ASIC2: variants seen among roughly 807,000 people sequenced by gnomAD.
ASIC2 encodes the protein acid sensing ion channel subunit 2.
A neutral mutation model predicts 57.3 loss-of-function variants in ASIC2; 25 were observed. The ratio of observed to expected loss-of-function variants is 0.44; its 90% CI spans 0.32 to 0.61. ASIC2 has a LOEUF of 0.61. Ranked by LOEUF, ASIC2 falls within the 20% of genes least tolerant of loss-of-function variation. ASIC2 has a pLI of 0.06. For missense variants in ASIC2, 641 were observed against 738.1 expected (o/e 0.87, Z 1.52); for synonymous variants, 319 against 307.5 (o/e 1.04, Z -0.39).
intron 1 of ASIC2, among the ~76,000 whole-genome samples, chr17:33,257,275 A>G (rs1249478500): frequency 6.6e-6 from 1 of 152,178 alleles, no homozygotes; most frequent in African/African-American, 2.4e-5. Flanking sequence ...TACAAAGCCC[A>G]TTAGAAATTG....
intron 1 of ASIC2, among the ~76,000 whole-genome samples, chr17:33,816,980 C>T (rs529639444): frequency 1.7e-4 from 26 of 152,380 alleles, no homozygotes; most frequent in Admixed American, 5.2e-4. Context: ...CCTGCCCTCA[C>T]GGCTGACTCT....
chr17:33,886,592 G>A (rs1914835230), intron 1 of ASIC2, among the ~76,000 whole-genome samples: 1 of 152,152 alleles, frequency 6.6e-6, no homozygotes, highest in African/African-American at 2.4e-5. Context: ...GCTTAAGGAA[G>A]TTAAACAAAT....
intron 1 of ASIC2, among the ~76,000 whole-genome samples, chr17:33,404,095 C>T (rs1910380787): frequency 6.6e-6 from 1 of 152,162 alleles, no homozygotes; most frequent in African/African-American, 2.4e-5. Flanking sequence ...ACCTCAGCAG[C>T]TTGAGTTGCC....
intron 1 of ASIC2, among the ~76,000 whole-genome samples, chr17:33,903,086 T>G (rs1915265728): frequency 6.6e-6 from 1 of 152,220 alleles, no homozygotes; most frequent in South Asian, 2.1e-4. Flanking sequence ...TATTTTAGTT[T>G]CAACCTTTCT....
chr17:33,028,485 T>C, intron 3 of ASIC2, 93 bp from the exon 4 acceptor site: 1 of 1,460,816 alleles, frequency 6.8e-7, no homozygotes, highest in Non-Finnish European at 9.4e-7. Context: ...TTATTGAGCA[T>C]TTAAATACCA....
intron 1 of ASIC2, among the ~76,000 whole-genome samples, chr17:33,462,879 G>C (rs1393183420): frequency 6.6e-6 from 1 of 152,146 alleles, no homozygotes; most frequent in Admixed American, 6.5e-5. Flanking sequence ...TAGATGTTTG[G>C]AGACAGAGTC....
chr17:33,089,731 G>A (rs1418833085), intron 2 of ASIC2, among the ~76,000 whole-genome samples: 1 of 152,246 alleles, frequency 6.6e-6, no homozygotes, highest in Non-Finnish European at 1.5e-5. Flanking sequence ...TGATGCAGCA[G>A]TAGAAATAAA....
At chr17:34,069,325 C>CTCTTTTTCTTTCATTTTTT (rs1909302259) in intron 1 of ASIC2, 3 of 144,264 alleles carry the variant, frequency 2.1e-5, no homozygotes, top group Non-Finnish European at 4.5e-5. Flanking sequence ...TTCCTTTCCT[C>CTCTTTTTCTTTCATTTTTT]TCTTTCTTTT....
chr17:33,630,700 T>C lies in ASIC2; in HGVS notation c.556-518633A>G, dbSNP rs182911369. Among the ~76,000 whole-genome samples, 668 of 152,280 alleles carry C rather than the reference T, an allele frequency of 4.4e-3. 3 individuals carry two copies. The highest frequency in any genetic ancestry group is 0.015 in the African/African-American group (644 of 41,558). On this transcript the variant is annotated intron_variant, in intron 1 of 9. Transcript: ENST00000359872. ...CTCCTCTGTAATATGGAAAAGATAA[T>C]AGTACTTCCCTTACTGGGTTATTGA... is the stretch of plus-strand genomic sequence containing the variant.
At chr17:33,583,473 C>A (rs1326742859) in intron 1 of ASIC2, among the ~76,000 whole-genome samples, 1 of 152,172 alleles carries the variant, frequency 6.6e-6, no homozygotes. Flanking sequence ...ACTGTGCTAT[C>A]TATGAAACAC....
Position 33,691,614 on chromosome 17 carries a change from G to C in ASIC2, c.555+464364C>G, listed in dbSNP as rs959462577. On this transcript the variant is annotated intron_variant, in intron 1 of 9. Transcript: ENST00000359872. ...GAGCTACTTATACATTAAAGTGATT[G>C]TGCCTTTGACCATAATATAAATTGA... 4.6e-5 allele frequency among the ~76,000 whole-genome samples: 7 copies of C among 152,082 alleles called. No homozygotes were observed. In the East Asian group the frequency reaches 1.4e-3, roughly 29 times the overall value.
chr17:33,774,900 C>G (rs1911218073), intron 1 of ASIC2, among the ~76,000 whole-genome samples: 1 of 152,186 alleles, frequency 6.6e-6, no homozygotes, highest in Non-Finnish European at 1.5e-5. Context: ...ATGAATTTTT[C>G]AATGACTGTG....
chr17:33,223,789 C>T (rs962646708), intron 1 of ASIC2, among the ~76,000 whole-genome samples: 13 of 152,170 alleles, frequency 8.5e-5, no homozygotes, highest in African/African-American at 2.9e-4. Flanking sequence ...GCGAGTGAAG[C>T]GCAGCACCCC....
At chr17:33,968,742 T>C (rs1191712726) in intron 1 of ASIC2, among the ~76,000 whole-genome samples, 1 of 152,172 alleles carries the variant, frequency 6.6e-6, no homozygotes, top group African/African-American at 2.4e-5. Context: ...ACTCACCATA[T>C]GGCAGGACAG....
At chr17:33,049,080 G>A (rs766355382) in intron 3 of ASIC2, among the ~76,000 whole-genome samples, 11 of 152,300 alleles carry the variant, frequency 7.2e-5, no homozygotes, top group East Asian at 3.9e-4. Flanking sequence ...TGAAAAGAGC[G>A]TGGACTTTGG....
At chr17:34,026,213 C>A (rs150253903) in intron 1 of ASIC2, among the ~76,000 whole-genome samples, 67 of 152,314 alleles carry the variant, frequency 4.4e-4, no homozygotes, top group African/African-American at 1.6e-3. Flanking sequence ...GCCACCTTCA[C>A]CCCTGGAATC....
At chr17:33,355,069 G>A (rs948224196) in intron 1 of ASIC2, among the ~76,000 whole-genome samples, 2 of 152,112 alleles carry the variant, frequency 1.3e-5, no homozygotes, top group African/African-American at 2.4e-5. Flanking sequence ...GTGTATATTC[G>A]GAGTGCTAAT....
At chr17:33,402,883 G>C (rs1910332671) in intron 1 of ASIC2, among the ~76,000 whole-genome samples, 1 of 152,178 alleles carries the variant, frequency 6.6e-6, no homozygotes, top group Non-Finnish European at 1.5e-5. Flanking sequence ...CTGATCATTA[G>C]AGAAATGCAA....
intron 1 of ASIC2, among the ~76,000 whole-genome samples, chr17:33,256,734 A>G (rs1185559008): frequency 6.6e-6 from 1 of 152,202 alleles, no homozygotes; most frequent in East Asian, 1.9e-4. Flanking sequence ...AGGGAGGCTG[A>G]GGCAGGAGGA....
Sources: allele counts gnomAD v4.1 joint callset (sites outside exome capture counted in the v4.1 genomes callset), GRCh38; gene constraint gnomAD v4.1.1; transcripts MANE v1.5; gene names NCBI Gene and HGNC (gene_info 2026-07-23, HGNC 2026-07-21).